CENPU: variants seen among roughly 807,000 people sequenced by gnomAD.
CENPU encodes the protein KSHV latent nuclear antigen interacting protein 1.
CENPU carries 46 observed loss-of-function variants against 56.7 expected under a neutral mutation model. That is an observed-to-expected ratio of 0.81 (90% CI 0.64 to 1.04). CENPU has a LOEUF of 1.04. Ranked by LOEUF, CENPU falls within the 50% of genes least tolerant of loss-of-function variation. The pLI, the probability that CENPU is intolerant of heterozygous loss-of-function variation, is 0.00. For synonymous variants in CENPU, 166 were observed against 163.0 expected (o/e 1.02, Z -0.14); for missense variants, 510 against 490.1 (o/e 1.04, Z -0.38).
intron 4 of CENPU, among the ~76,000 whole-genome samples, chr4:184,721,618 A>C (rs1761281600): frequency 6.8e-6 from 1 of 146,118 alleles, no homozygotes; most frequent in Admixed American, 6.7e-5. Context: ...ATTTCAGACA[A>C]ACTAGATTTT....
chr4:184,717,756 G>A (rs920618396), intron 4 of CENPU, among the ~76,000 whole-genome samples: 4 of 152,202 alleles, frequency 2.6e-5, no homozygotes, highest in African/African-American at 4.8e-5. Context: ...GGTGCAGAGT[G>A]ATGACCTGGC....
At chr4:184,713,223 T>C (rs1245418118) in intron 6 of CENPU, among the ~76,000 whole-genome samples, 1 of 152,026 alleles carries the variant, frequency 6.6e-6, no homozygotes, top group African/African-American at 2.4e-5. Context: ...AAACCCCATC[T>C]CTACTAAAAA....
chr4:184,718,301 C>T lies in CENPU; in HGVS notation c.321-1105G>A, dbSNP rs73874429. ...AGCTCCGCAGTGGGTTGTTCAGAACCGTAGGCACTGCAGTGCAGTCTGAGG... is the reference window on the plus strand; with the variant it reads ...AGCTCCGCAGTGGGTTGTTCAGAACTGTAGGCACTGCAGTGCAGTCTGAGG... On this transcript the variant is annotated intron_variant, in intron 4 of 12. Transcript: ENST00000281453. Among the ~76,000 whole-genome samples the T allele has an allele frequency of 7.3e-3, 1,106 of 152,356 alleles. 14 individuals are homozygous for T. Among genetic ancestry groups the T allele is most frequent in the African/African-American group, 0.025 (1,047 of 41,586 alleles).
intron 1 of CENPU, chr4:184,733,362 T>C (rs1761723686): frequency 2.0e-6 from 2 of 987,768 alleles, no homozygotes; most frequent in Non-Finnish European, 2.4e-6. Context: ...CGTCTTGGCG[T>C]ATGGCTTTGT....
chr4:184,729,061 T>TAA, intron 2 of CENPU, 26 bp from the exon 3 acceptor site: 1 of 1,535,938 alleles, frequency 6.5e-7, no homozygotes, highest in Non-Finnish European at 9.0e-7. Context: ...GTTGAGTCAT[T>TAA]GAGTTGGCTC....
intron 4 of CENPU, 21 bp downstream of exon 4, chr4:184,724,936 T>C: frequency 6.9e-7 from 1 of 1,445,558 alleles, no homozygotes; most frequent in South Asian, 1.2e-5. Context: ...GAATAAACAA[T>C]TGCTTGAAAT....
chr4:184,695,006 T>C lies in CENPU; in HGVS notation c.*282A>G. 1 of 544,768 alleles carries C rather than the reference T, an allele frequency of 1.8e-6. No individual in the cohort carries two copies. The highest frequency in any genetic ancestry group is 3.2e-6 in the Non-Finnish European group (1 of 308,524). The allele number at this position is 544,768 out of a possible 1,614,324, so 33.7% of individuals were successfully genotyped here. A position where few individuals can be genotyped will look rare whatever the true frequency, so the allele number is the denominator to read the frequency against. ...CAAAATTATGTTCACATCAACTTAATTTTACAAGTTTATTATAGCTCATAC... is the reference window on the plus strand; with the variant it reads ...CAAAATTATGTTCACATCAACTTAACTTTACAAGTTTATTATAGCTCATAC... On this transcript the variant is annotated 3_prime_UTR_variant, in exon 13 of 13. Transcript: ENST00000281453.
intron 4 of CENPU, among the ~76,000 whole-genome samples, chr4:184,721,773 G>A (rs1427891505): frequency 2.0e-5 from 3 of 152,076 alleles, no homozygotes; most frequent in Non-Finnish European, 4.4e-5. Context: ...AGAGCTAAAG[G>A]GAGAGACAGA....
intron 6 of CENPU, 21 bp downstream of exon 6, chr4:184,716,376 G>A (rs763120316): frequency 2.7e-5 from 42 of 1,564,654 alleles, no homozygotes; most frequent in Non-Finnish European, 3.6e-5. Context: ...TGCCCTCCTA[G>A]GGGATGGCAG....
At chr4:184,717,486 G>A (rs761420747) in intron 4 of CENPU, among the ~76,000 whole-genome samples, 5 of 152,260 alleles carry the variant, frequency 3.3e-5, no homozygotes, top group South Asian at 2.1e-4. Flanking sequence ...CCAGGAATAC[G>A]GGCCATCATT....
intron 6 of CENPU, among the ~76,000 whole-genome samples, chr4:184,714,427 G>A (rs28563856): frequency 0.18 from 27,096 of 151,976 alleles, 2,716 homozygotes; most frequent in African/African-American, 0.26. Context: ...TGACAATACC[G>A]TAAGGTTAGA....
At position 184,729,043 on chromosome 4, in the gene CENPU, T is replaced by C. The variant is rs746503654; in HGVS notation, c.97-8A>G. ...GCACTTTTGACCAGCTTTCTAAAAG[T>C]GAATAAAGTTGAGTCATTGAGTTGG... On this transcript the variant is annotated splice_polypyrimidine_tract_variant and splice_region_variant and intron_variant, in intron 2 of 12. Transcript: ENST00000281453. 1 of 1,597,716 alleles carries C rather than the reference T, an allele frequency of 6.3e-7. No individual in the cohort carries two copies. The highest frequency in any genetic ancestry group is 8.6e-7 in the Non-Finnish European group (1 of 1,166,948).
In CENPU at chr4:184,729,165, C is replaced by T. The variant is rs944243967; in HGVS notation, c.97-130G>A. 1.6e-5 allele frequency: 11 copies of T among 682,762 alleles called. No individual in the cohort carries two copies. In the African/African-American group the frequency reaches 1.8e-4, roughly 11 times the overall value. 42.3% of individuals were successfully genotyped at this position (682,762 alleles called of 1,614,324 possible). On this transcript the variant is annotated intron_variant, in intron 2 of 12. Transcript: ENST00000281453. ...ATCCTTATGCATGGGGTGATGGATT[C>T]ACTACCTACCCTGATTGGGTCATTA...
intron 9 of CENPU, 58 bp from the exon 10 acceptor site, chr4:184,702,194 T>C: frequency 7.3e-7 from 1 of 1,372,326 alleles, no homozygotes; most frequent in Non-Finnish European, 1.0e-6. Context: ...TGTTAATTAG[T>C]TTCACATGTG....
At chr4:184,720,242 T>G (rs1761230177) in intron 4 of CENPU, among the ~76,000 whole-genome samples, 1 of 152,064 alleles carries the variant, frequency 6.6e-6, no homozygotes, top group African/African-American at 2.4e-5. Context: ...ACGGACATAC[T>G]AAAGAATACA....
Position 184,716,615 on chromosome 4 carries a change from G to C in CENPU, c.400C>G (p.Pro134Ala), listed in dbSNP as rs768835379. 5 of 1,613,600 alleles carry C rather than the reference G, an allele frequency of 3.1e-6. No individual in the cohort carries two copies. Among genetic ancestry groups the C allele is most frequent in the Non-Finnish European group, 4.2e-6 (5 of 1,179,838 alleles). ...SAKKPGRKLR[P>A]ISDDSESIEE... ...ATGCTTTCAGAGTCATCACTAATGGGCCTGAGCTTTCTTCCTGGCTGTGTG... is the reference window on the plus strand; with the variant it reads ...ATGCTTTCAGAGTCATCACTAATGGCCCTGAGCTTTCTTCCTGGCTGTGTG... The change falls in exon 6 of 13, where the codon CCC (proline) becomes GCC (alanine). Residue 134 changes from proline to alanine, a missense_variant. By Grantham distance (27) the Pro-to-Ala change is conservative. Coordinates refer to ENST00000281453, the MANE Select transcript of CENPU (RefSeq NM_024629.4).
In CENPU at chr4:184,730,946, A is replaced by T. The variant is rs372723403; in HGVS notation, c.70T>A (p.Leu24Ile). Residue 24 changes from leucine to isoleucine, a missense_variant, in exon 2 of 13, where the codon TTA becomes ATA. Leu to Ile is a conservative substitution (Grantham distance 5, BLOSUM62 2). Transcript: ENST00000281453. ...TCTTTCATGGAATGTGTTCTTTCTA[A>T]AGTGTTCTTTGAACGTCTTGCGCTA... The part of the protein sequence containing the change: ...SEGARRSKNT[L>I]ERTHSMKDKA... The T allele has an allele frequency of 1.8e-5, 28 of 1,581,774 alleles. No homozygotes were observed. The highest frequency in any genetic ancestry group is 5.5e-5 in the African/African-American group (4 of 72,660).
At chr4:184,713,864 G>C (rs7678949) in intron 6 of CENPU, 27,099 of 152,140 alleles carry the variant, frequency 0.18, 2,715 homozygotes, top group African/African-American at 0.26. Flanking sequence ...CCAGCTGAGA[G>C]GCACCTGGAA....
At chr4:184,728,758 G>A (rs182722084) in intron 3 of CENPU, among the ~76,000 whole-genome samples, 160 bp downstream of exon 3, 1 of 152,298 alleles carries the variant, frequency 6.6e-6, no homozygotes, top group African/African-American at 2.4e-5. Flanking sequence ...ACCCGTAAGT[G>A]AGGAAAATTA....
Sources: allele counts gnomAD v4.1 joint callset (sites outside exome capture counted in the v4.1 genomes callset), GRCh38; gene constraint gnomAD v4.1.1; transcripts MANE v1.5; gene names NCBI Gene and HGNC (gene_info 2026-07-23, HGNC 2026-07-21).